NCKAP5: variants seen among roughly 807,000 people sequenced by gnomAD.
NCKAP5 encodes nck-associated protein 5.
NCKAP5 carries 92 observed loss-of-function variants against 167.0 expected under a neutral mutation model. The observed-to-expected ratio is 0.55, with a 90% confidence interval of 0.47 to 0.66. The LOEUF (loss-of-function observed/expected upper bound fraction) is 0.66. Ranked by LOEUF, NCKAP5 falls within the 30% of genes least tolerant of loss-of-function variation. The pLI is 0.00. For synonymous variants in NCKAP5, 891 were observed against 877.4 expected, an observed-to-expected ratio of 1.02 and a Z score of -0.27; for missense variants, 2,378 against 2,315.0, an observed-to-expected ratio of 1.03 and a Z score of -0.56.
At chr2:133,534,911 C>T (rs976058521) in intron 2 of NCKAP5, among the ~76,000 whole-genome samples, 5 of 152,154 alleles carry the variant, frequency 3.3e-5, no homozygotes, top group Admixed American at 2.0e-4. Flanking sequence ...AAACTGTTTT[C>T]CAAAGTGGCT....
chr2:132,869,956 T>C (rs75617404), intron 9 of NCKAP5, among the ~76,000 whole-genome samples: 2,598 of 152,308 alleles, frequency 0.017, 71 homozygotes, highest in African/African-American at 0.06. Context: ...TTAGTAATTT[T>C]TTCAGGGATC....
intron 3 of NCKAP5, among the ~76,000 whole-genome samples, chr2:133,408,958 A>T (rs1688612943): frequency 6.6e-6 from 1 of 152,234 alleles, no homozygotes. Flanking sequence ...CACAGCTGAC[A>T]CACAGGACTA....
intron 6 of NCKAP5, among the ~76,000 whole-genome samples, chr2:133,125,539 T>C (rs1446323577): frequency 6.6e-6 from 1 of 152,140 alleles, no homozygotes; most frequent in South Asian, 2.1e-4. Flanking sequence ...TCATAAAATA[T>C]GCCCAGCCAC....
chr2:133,551,602 A>G (rs1337808968), intron 2 of NCKAP5, among the ~76,000 whole-genome samples: 1 of 58,330 alleles, frequency 1.7e-5, no homozygotes, highest in East Asian at 4.4e-4. Context: ...TTCAAGATGG[A>G]TTAAAGATTT....
At chr2:133,497,135 C>A (rs1030559865) in intron 3 of NCKAP5, among the ~76,000 whole-genome samples, 12 of 152,138 alleles carry the variant, frequency 7.9e-5, no homozygotes, top group African/African-American at 2.7e-4. Context: ...TATAACTGAG[C>A]TAAAGCAATT....
chr2:133,116,860 C>T (rs537883663), intron 6 of NCKAP5: 49 of 152,048 alleles, frequency 3.2e-4, no homozygotes, highest in African/African-American at 1.2e-3. Context: ...TAGTTCCTCA[C>T]TGGTCTATAA....
chr2:133,050,903 A>T lies in NCKAP5; in HGVS notation c.342-56664T>A, dbSNP rs568109717. Among the ~76,000 whole-genome samples the T allele has an allele frequency of 1.1e-4, 16 of 152,350 alleles. No individual in the cohort carries two copies. The South Asian group carries it at 3.3e-3, about 32-fold the overall frequency. On this transcript the variant is annotated intron_variant, in intron 6 of 19. Coordinates refer to ENST00000409261, the MANE Select transcript of NCKAP5 (RefSeq NM_207363.3). The stretch of plus-strand genomic sequence containing the variant: ...TTTATCACCAAAAAGAAAGAGGGAT[A>T]AAAGTGCTTGCTTTGAAGTATATGC...
intron 5 of NCKAP5, among the ~76,000 whole-genome samples, chr2:133,212,159 A>C (rs1574396913): frequency 1.3e-5 from 2 of 152,346 alleles, no homozygotes; most frequent in East Asian, 1.9e-4. Flanking sequence ...ACGAAAGTTA[A>C]GTTACTTCCT....
chr2:133,599,059 A>G, the NCKAP5 span, among the ~76,000 whole-genome samples: 1 of 152,248 alleles, frequency 6.6e-6, no homozygotes. Flanking sequence ...TCATTGGAAT[A>G]GAACTCTTTA....
intron 4 of NCKAP5, among the ~76,000 whole-genome samples, chr2:133,215,447 T>C (rs919049979): frequency 2.0e-5 from 3 of 152,170 alleles, no homozygotes; most frequent in Non-Finnish European, 2.9e-5. Context: ...ACATACTCCA[T>C]ACTCTATGAA....
intron 6 of NCKAP5, among the ~76,000 whole-genome samples, chr2:133,025,072 C>T (rs192054315): frequency 1.9e-3 from 288 of 152,292 alleles, no homozygotes; most frequent in Non-Finnish European, 3.4e-3. Context: ...CCAATTACCA[C>T]CCTAGAGAAA....
the NCKAP5 span, among the ~76,000 whole-genome samples, chr2:133,664,664 T>C: frequency 6.6e-6 from 1 of 152,146 alleles, no homozygotes; most frequent in South Asian, 2.1e-4. Flanking sequence ...CACACCCAGC[T>C]AATTCTTGTA....
In NCKAP5 at chr2:133,062,552, A is replaced by G. The variant is rs188978664; in HGVS notation, c.341+67426T>C. Among the ~76,000 whole-genome samples, 6 of 152,372 alleles carry G rather than the reference A, an allele frequency of 3.9e-5. No individual in the cohort carries two copies. The East Asian group carries it at 1.2e-3, about 29-fold the overall frequency. On this transcript the variant is annotated intron_variant, in intron 6 of 19. Transcript: ENST00000409261. ...CTATATTCTTCAATTGAGCTACTCAATAGTTGTGAGAACAAAGAAAATCCT... is the reference window on the plus strand; with the variant it reads ...CTATATTCTTCAATTGAGCTACTCAGTAGTTGTGAGAACAAAGAAAATCCT...
intron 8 of NCKAP5, among the ~76,000 whole-genome samples, chr2:132,941,867 T>C (rs1574711216): frequency 6.6e-6 from 1 of 152,238 alleles, no homozygotes; most frequent in South Asian, 2.1e-4. Context: ...TTCTATATCA[T>C]GTAGTCACAA....
intron 3 of NCKAP5, among the ~76,000 whole-genome samples, chr2:133,473,247 G>A (rs1030114832): frequency 5.3e-5 from 8 of 151,902 alleles, no homozygotes; most frequent in African/African-American, 7.3e-5. Flanking sequence ...TAGGAGAATC[G>A]CTTGAACCCG....
intron 3 of NCKAP5, among the ~76,000 whole-genome samples, chr2:133,303,764 T>C (rs7587614): frequency 0.16 from 24,588 of 152,046 alleles, 2,529 homozygotes; most frequent in African/African-American, 0.29. Context: ...TTTCCTGAAA[T>C]GTATCTGAAA....
intron 7 of NCKAP5, 101 bp downstream of exon 7, chr2:132,994,051 C>T: frequency 1.2e-6 from 1 of 804,904 alleles, no homozygotes; most frequent in African/African-American, 1.8e-5. Context: ...GGGTCTGGAA[C>T]ACACCTTTTA....
At chr2:132,896,027 C>A (rs1693174303) in intron 8 of NCKAP5, among the ~76,000 whole-genome samples, 1 of 152,042 alleles carries the variant, frequency 6.6e-6, no homozygotes, top group Non-Finnish European at 1.5e-5. Flanking sequence ...CCCAGCTACT[C>A]AGGAGGCTGA....
chr2:133,197,641 T>TAA (rs1354112495), intron 5 of NCKAP5, among the ~76,000 whole-genome samples: 1 of 151,480 alleles, frequency 6.6e-6, no homozygotes, highest in Non-Finnish European at 1.5e-5. Flanking sequence ...GAACGAAATA[T>TAA]AACCTTCTTT....
Sources: gnomAD v4.1 joint callset for allele counts (sites outside exome capture counted in the v4.1 genomes callset) on GRCh38, gnomAD v4.1.1 for gene constraint, MANE v1.5 for transcripts, NCBI Gene and HGNC (gene_info 2026-07-23, HGNC 2026-07-21) for gene names.